Variants in RBFOX1 observed in about 807,000 individuals in gnomAD.
RBFOX1 encodes RNA binding protein fox-1 homolog 1.
A neutral mutation model predicts 57.7 loss-of-function variants in RBFOX1; 8 were observed. That is an observed-to-expected ratio of 0.14 (90% CI 0.08 to 0.25). The LOEUF is 0.25. Ranked by LOEUF, RBFOX1 falls within the 10% of genes least tolerant of loss-of-function variation. The pLI is 1.00. For missense variants in RBFOX1, 611 were observed against 548.5 expected (o/e 1.11, Z -1.14); for synonymous variants, 326 against 222.4 (o/e 1.47, Z -4.15).
At chr16:6,745,344 GA>G (rs1350430336) in intron 3 of RBFOX1, among the ~76,000 whole-genome samples, 2 of 151,668 alleles carry the variant, frequency 1.3e-5, no homozygotes, top group Non-Finnish European at 2.9e-5. Flanking sequence ...AAATTCACAA[GA>G]AAAAACCCCC....
At chr16:7,430,555 G>A (rs961880521) in intron 4 of RBFOX1, among the ~76,000 whole-genome samples, 17 of 151,886 alleles carry the variant, frequency 1.1e-4, no homozygotes, top group Admixed American at 5.3e-4. Context: ...CCAGCTACTC[G>A]AGAGGCTGAG....
intron 1 of RBFOX1, among the ~76,000 whole-genome samples, chr16:6,039,414 A>G (rs1022661250): frequency 3.4e-4 from 52 of 151,240 alleles, no homozygotes; most frequent in African/African-American, 1.2e-3. Flanking sequence ...TAAAATGCTG[A>G]TGAACAGGAA....
At chr16:6,362,159 C>G in intron 2 of RBFOX1, among the ~76,000 whole-genome samples, 1 of 152,064 alleles carries the variant, frequency 6.6e-6, no homozygotes, top group East Asian at 1.9e-4. Flanking sequence ...GACCACAAAA[C>G]AAGTCCTGCC....
rs369419669 is a variant in RBFOX1, at chr16:5,954,668, A to G, written c.351+87333A>G. On this transcript the variant is annotated intron_variant, in intron 4 of 19. Transcript: ENST00000641259. ...CTCATAAGTTGGCAGAGCAGTCAGTAATCACCCCTTAACTCTCGGCAAGCA... is the reference window on the plus strand; with the variant it reads ...CTCATAAGTTGGCAGAGCAGTCAGTGATCACCCCTTAACTCTCGGCAAGCA... 7.9e-5 allele frequency among the ~76,000 whole-genome samples: 12 copies of G among 152,024 alleles called. No homozygotes were observed. In the East Asian group the frequency reaches 9.7e-4, roughly 12 times the overall value.
At chr16:7,364,296 A>G (rs1044530653) in intron 4 of RBFOX1, among the ~76,000 whole-genome samples, 1 of 152,170 alleles carries the variant, frequency 6.6e-6, no homozygotes, top group East Asian at 1.9e-4. Context: ...AGATCTGTTT[A>G]TCTTGCAGTT....
chr16:6,767,962 G>T lies in RBFOX1; in HGVS notation c.-16+113312G>T, dbSNP rs77242796. ...ATAATAATAATAAGAAGAAGAAGAA[G>T]AAGAAGAAGAAGAAGAAGAAGAAGA... On this transcript the variant is annotated intron_variant, in intron 3 of 15. Coordinates refer to ENST00000550418, the MANE Select transcript of RBFOX1 (RefSeq NM_018723.4). 7.8e-3 allele frequency among the ~76,000 whole-genome samples: 900 copies of T among 114,716 alleles called. 7 individuals are homozygous for T. The highest frequency in any genetic ancestry group is 0.015 in the African/African-American group (412 of 28,184). 75.3% of individuals were successfully genotyped at this position (114,716 alleles called of 152,430 possible). A position where few individuals can be genotyped will look rare whatever the true frequency, so the allele number is the denominator to read the frequency against.
rs531763150 is a variant in RBFOX1 at position 6,968,793 on chromosome 16, C to G, written c.-15-83264C>G. ...TAAAGTAGCTGATTACCTTCATTAG[C>G]TCAGAATGTATTAATCCAGGTTTTT... On this transcript the variant is annotated intron_variant, in intron 3 of 15. Transcript: ENST00000550418. Among the ~76,000 whole-genome samples the G allele has an allele frequency of 4.2e-4, 64 of 151,944 alleles. No homozygotes were observed. In the South Asian group the frequency reaches 0.013, roughly 30 times the overall value.
At chr16:6,640,543 G>C (rs752220147) in intron 2 of RBFOX1, among the ~76,000 whole-genome samples, 6 of 152,136 alleles carry the variant, frequency 3.9e-5, no homozygotes, top group Non-Finnish European at 7.4e-5. Context: ...GGGAAGCGGA[G>C]ATTGCAGTGA....
intron 3 of RBFOX1, among the ~76,000 whole-genome samples, chr16:5,690,632 C>A (rs1218829893): frequency 6.6e-6 from 1 of 152,146 alleles, no homozygotes; most frequent in African/African-American, 2.4e-5. Context: ...GATTTTACTT[C>A]CCTCTGAATT....
intron 4 of RBFOX1, among the ~76,000 whole-genome samples, chr16:7,357,695 T>C (rs907384305): frequency 6.6e-6 from 1 of 152,226 alleles, no homozygotes; most frequent in African/African-American, 2.4e-5. Flanking sequence ...AATGTCAGTT[T>C]TCTTGCCCTG....
At chr16:5,366,222 C>G (rs1003707577) in intron 1 of RBFOX1, 8 of 413,482 alleles carry the variant, frequency 1.9e-5, no homozygotes, top group African/African-American at 1.7e-4. Flanking sequence ...GCAGGCTGCC[C>G]CTGGAGGTGG....
chr16:5,939,921 A>G (rs1408721058), intron 4 of RBFOX1, among the ~76,000 whole-genome samples: 2 of 152,228 alleles, frequency 1.3e-5, no homozygotes, highest in Non-Finnish European at 2.9e-5. Flanking sequence ...GACTTGGGGT[A>G]GAATCTTGAC....
chr16:6,687,710 C>A (rs1047224514), intron 3 of RBFOX1, among the ~76,000 whole-genome samples: 5 of 152,236 alleles, frequency 3.3e-5, no homozygotes, highest in African/African-American at 9.6e-5. Flanking sequence ...AAAGTTGCAG[C>A]GGCCGGGGAG....
intron 2 of RBFOX1, among the ~76,000 whole-genome samples, chr16:6,508,648 C>T (rs942397976): frequency 6.6e-6 from 1 of 152,070 alleles, no homozygotes; most frequent in Non-Finnish European, 1.5e-5. Flanking sequence ...GAACTTCTCT[C>T]TCTCCTGCTT....
intron 4 of RBFOX1, among the ~76,000 whole-genome samples, chr16:7,156,178 A>C (rs1156583385): frequency 6.6e-6 from 1 of 151,612 alleles, no homozygotes; most frequent in Non-Finnish European, 1.5e-5. Context: ...CCGATCCCTC[A>C]ACTCTTGATT....
At chr16:7,027,262 A>G (rs1166452371) in intron 3 of RBFOX1, among the ~76,000 whole-genome samples, 2 of 152,228 alleles carry the variant, frequency 1.3e-5, no homozygotes, top group African/African-American at 4.8e-5. Context: ...AAGTAAATGA[A>G]TAGAGAGGAT....
At chr16:6,920,253 TG>T (rs2074170067) in intron 3 of RBFOX1, among the ~76,000 whole-genome samples, 1 of 76,576 alleles carries the variant, frequency 1.3e-5, no homozygotes, top group Non-Finnish European at 3.0e-5. Context: ...TATGCACATG[TG>T]TTTTTTTATA....
chr16:5,714,045 A>G (rs1042436332), intron 3 of RBFOX1, among the ~76,000 whole-genome samples: 1 of 152,192 alleles, frequency 6.6e-6, no homozygotes, highest in African/African-American at 2.4e-5. Flanking sequence ...GCAATAAAAT[A>G]TGAGCCTATG....
intron 4 of RBFOX1, among the ~76,000 whole-genome samples, chr16:5,873,441 C>A (rs964688197): frequency 6.6e-6 from 1 of 152,202 alleles, no homozygotes; most frequent in Admixed American, 6.5e-5. Flanking sequence ...TGATAGTCAT[C>A]TCCGTCCTTG....
Sources: gnomAD v4.1 joint callset for allele counts (sites outside exome capture counted in the v4.1 genomes callset) on GRCh38, gnomAD v4.1.1 for gene constraint, MANE v1.5 for transcripts, NCBI Gene and HGNC (gene_info 2026-07-23, HGNC 2026-07-21) for gene names.